The following UGT8 variants were observed in gnomAD, a reference collection of about 807,000 sequenced individuals.
UGT8 encodes 2-hydroxyacylsphingosine 1-beta-galactosyltransferase.
Under a neutral mutation model 40.5 loss-of-function variants are expected in UGT8, and 12 were observed. The observed-to-expected ratio is 0.30, with a 90% CI of 0.19 to 0.48. UGT8 has a LOEUF of 0.48. Ranked by LOEUF, UGT8 falls within the 20% of genes least tolerant of loss-of-function variation. The pLI, the probability that UGT8 is intolerant of heterozygous loss-of-function variation, is 0.99. For synonymous variants in UGT8, 224 were observed against 240.4 expected (o/e 0.93, Z 0.63); for missense variants, 513 against 648.7 (o/e 0.79, Z 2.27).
intron 2 of UGT8, among the ~76,000 whole-genome samples, chr4:114,641,963 A>T (rs990354485): frequency 6.6e-6 from 1 of 152,204 alleles, no homozygotes; most frequent in Non-Finnish European, 1.5e-5. Context: ...ACAAGATGAC[A>T]TGCAATAGTT....
intron 2 of UGT8, among the ~76,000 whole-genome samples, chr4:114,629,655 C>T (rs1361301037): frequency 6.6e-6 from 1 of 152,138 alleles, no homozygotes; most frequent in African/African-American, 2.4e-5. Context: ...ACTGTTGAAA[C>T]TATCAATGAC....
At chr4:114,668,743 C>T (rs972273386) in intron 5 of UGT8, among the ~76,000 whole-genome samples, 1 of 152,152 alleles carries the variant, frequency 6.6e-6, no homozygotes, top group Non-Finnish European at 1.5e-5. Flanking sequence ...TGTCTGATTC[C>T]CAAGACAGTG....
At chr4:114,631,884 A>G (rs1025195760) in intron 2 of UGT8, among the ~76,000 whole-genome samples, 29 of 152,256 alleles carry the variant, frequency 1.9e-4, no homozygotes, top group African/African-American at 6.8e-4. Flanking sequence ...TTCAAGAACT[A>G]GAAAAGCCCT....
intron 1 of UGT8, among the ~76,000 whole-genome samples, chr4:114,612,731 CAGT>C (rs1295875632): frequency 1.3e-5 from 2 of 152,100 alleles, no homozygotes; most frequent in Non-Finnish European, 2.9e-5. Flanking sequence ...CTCCAAGCAC[CAGT>C]AGTCCCATAT....
intron 2 of UGT8, among the ~76,000 whole-genome samples, chr4:114,658,322 C>G (rs910608679): frequency 1.5e-4 from 23 of 152,198 alleles, no homozygotes; most frequent in African/African-American, 5.3e-4. Context: ...GTGTAGGATT[C>G]TCTCACAGTC....
chr4:114,622,892 C>T lies in UGT8; in HGVS notation c.12C>T (p.Tyr4=), dbSNP rs372488857. 10 of 1,611,420 alleles carry T rather than the reference C, an allele frequency of 6.2e-6. No individual in the cohort carries two copies. Among genetic ancestry groups the T allele is most frequent in the Middle Eastern group, 3.3e-4 (2 of 6,062 alleles). MKS[Y]TPYFILLWSA... is the part of the protein sequence containing the mutation. ...TTGTTATTACAGCTATGAAGTCTTA[C>T]ACTCCATATTTCATTCTCCTGTGGA... Residue 4 remains tyrosine (Y), a synonymous_variant, in exon 2 of 6, where the codon TAC becomes TAT. Coordinates refer to ENST00000310836, the MANE Select transcript of UGT8 (RefSeq NM_001128174.3).
chr4:114,633,148 T>G (rs1415508819), intron 2 of UGT8, among the ~76,000 whole-genome samples: 5 of 152,232 alleles, frequency 3.3e-5, no homozygotes, highest in Non-Finnish European at 5.9e-5. Flanking sequence ...CATTTAGTTA[T>G]ACATTGAGTG....
At chr4:114,647,809 A>G (rs1223906486) in intron 2 of UGT8, among the ~76,000 whole-genome samples, 1 of 152,234 alleles carries the variant, frequency 6.6e-6, no homozygotes, top group Non-Finnish European at 1.5e-5. Flanking sequence ...GGCAGAAGAC[A>G]GAATTTGAAC....
At chr4:114,650,806 G>A (rs112211255) in intron 2 of UGT8, among the ~76,000 whole-genome samples, 31 of 152,042 alleles carry the variant, frequency 2.0e-4, no homozygotes, top group Admixed American at 1.2e-3. Context: ...AAACTTTTGC[G>A]CCTACTCTTT....
At chr4:114,598,799 G>C (rs778299438), upstream of UGT8, 2 of 152,214 alleles carry the variant, frequency 1.3e-5, no homozygotes, top group Non-Finnish European at 2.9e-5. Context: ...GCTATCAACT[G>C]TGAACCCAGA....
chr4:114,675,121 T>C (rs1735543169), intron 5 of UGT8, among the ~76,000 whole-genome samples: 1 of 152,200 alleles, frequency 6.6e-6, no homozygotes, highest in Admixed American at 6.5e-5. Context: ...TCTTTAATAA[T>C]ATATCTTCAC....
intron 2 of UGT8, among the ~76,000 whole-genome samples, chr4:114,655,261 A>G (rs965578648): frequency 3.3e-5 from 5 of 152,050 alleles, no homozygotes; most frequent in African/African-American, 1.2e-4. Context: ...TCTCTAAAAC[A>G]GTTTATTTGG....
At chr4:114,667,409 G>C (rs1370297099) in intron 4 of UGT8, among the ~76,000 whole-genome samples, 1 of 152,052 alleles carries the variant, frequency 6.6e-6, no homozygotes, top group Non-Finnish European at 1.5e-5. Context: ...GTAAATCTAG[G>C]TTTTGAACTT....
In UGT8 at chr4:114,616,677, G is replaced by A. The variant is rs1193939525; in HGVS notation, c.-2-6202G>A. Among the ~76,000 whole-genome samples the A allele has an allele frequency of 1.3e-4, 20 of 152,192 alleles. No homozygotes were observed. In the East Asian group the frequency reaches 1.9e-3, roughly 15 times the overall value. On this transcript the variant is annotated intron_variant, in intron 1 of 5. Transcript: ENST00000310836. ...TCAGTTGGAAATGCAGAAATCACCC[G>A]TCTTCTGCGTCACTCATGCTGGGAG...
intron 2 of UGT8, among the ~76,000 whole-genome samples, chr4:114,658,762 T>TA (rs900121664): frequency 2.8e-4 from 42 of 152,238 alleles, no homozygotes; most frequent in African/African-American, 9.9e-4. Flanking sequence ...AAGAAGGCAT[T>TA]ACCCAATGAG....
rs1280490256 is a variant in UGT8, at chr4:114,623,021, G to T, written c.141G>T (p.Glu47Asp). 6.2e-7 allele frequency: 1 copy of T among 1,614,080 alleles called. No homozygotes were observed. Among genetic ancestry groups the T allele is most frequent in the Non-Finnish European group, 8.5e-7 (1 of 1,180,010 alleles). ...IFKTLASALH[E>D]RGHHTVFLLS... Reference sequence around the variant, plus strand: ...AGACGCTAGCCTCAGCCTTGCACGAGAGAGGCCACCATACAGTGTTCCTCC... The same window carrying T: ...AGACGCTAGCCTCAGCCTTGCACGATAGAGGCCACCATACAGTGTTCCTCC... The change falls in exon 2 of 6, where the codon GAG (glutamate) becomes GAT (aspartate). Residue 47 changes from glutamate (E) to aspartate (D), a missense_variant. Physicochemically the swap from Glu to Asp is conservative, Grantham distance 45 (BLOSUM62 2). Coordinates refer to ENST00000310836, the MANE Select transcript of UGT8 (RefSeq NM_001128174.3).
At chr4:114,607,454 T>G (rs1422107070) in intron 1 of UGT8, among the ~76,000 whole-genome samples, 1 of 152,196 alleles carries the variant, frequency 6.6e-6, no homozygotes, top group African/African-American at 2.4e-5. Flanking sequence ...ACTCCCCATC[T>G]GATCTTTGGT....
At chr4:114,674,918 T>A (rs971876633) in intron 5 of UGT8, among the ~76,000 whole-genome samples, 7 of 152,238 alleles carry the variant, frequency 4.6e-5, no homozygotes, top group Admixed American at 3.9e-4. Context: ...CACATGAATG[T>A]GCAGTCACAT....
intron 1 of UGT8, among the ~76,000 whole-genome samples, chr4:114,616,075 C>T (rs533417971): frequency 7.9e-5 from 12 of 152,130 alleles, no homozygotes; most frequent in Non-Finnish European, 1.2e-4. Context: ...GCAGTCTGCC[C>T]GTTCTCAGAT....
Sources: gnomAD v4.1 joint callset for allele counts (sites outside exome capture counted in the v4.1 genomes callset) on GRCh38, gnomAD v4.1.1 for gene constraint, MANE v1.5 for transcripts, NCBI Gene and HGNC (gene_info 2026-07-23, HGNC 2026-07-21) for gene names.